Variants in RBFOX1 observed in about 807,000 individuals in gnomAD.
The protein encoded by RBFOX1 is RNA binding protein fox-1 homolog 1.
RBFOX1 carries 8 observed loss-of-function variants against 57.7 expected under a neutral mutation model. That is an observed-to-expected ratio of 0.14 (90% CI 0.08 to 0.25). The LOEUF is 0.25. Among genes scored for constraint, RBFOX1 ranks in the 10% least tolerant of loss-of-function variants. RBFOX1 has a pLI of 1.00. For synonymous variants in RBFOX1, 326 were observed against 222.4 expected (o/e 1.47, Z -4.15); for missense variants, 611 against 548.5 (o/e 1.11, Z -1.14).
At position 6,098,117 on chromosome 16, in the gene RBFOX1, T is replaced by G. The variant is rs554338404; in HGVS notation, c.-127+78125T>G. Among the ~76,000 whole-genome samples the G allele has an allele frequency of 5.9e-5, 9 of 152,324 alleles. No individual in the cohort carries two copies. In the South Asian group the frequency reaches 1.9e-3, roughly 32 times the overall value. On this transcript the variant is annotated intron_variant, in intron 1 of 15. Transcript: ENST00000550418. ...GGAGAAGGGGTCGGTCACCATTTACTTTGTGCCTCTTGCTACCCTTCGTTG... is the reference window on the plus strand; with the variant it reads ...GGAGAAGGGGTCGGTCACCATTTACGTTGTGCCTCTTGCTACCCTTCGTTG...
At chr16:5,861,062 G>A (rs1036574445) in intron 3 of RBFOX1, among the ~76,000 whole-genome samples, 2 of 152,214 alleles carry the variant, frequency 1.3e-5, no homozygotes, top group African/African-American at 4.8e-5. Flanking sequence ...CAGCTGCAAG[G>A]TGAACAATCT....
intron 2 of RBFOX1, among the ~76,000 whole-genome samples, chr16:6,486,817 G>A (rs2095493469): frequency 6.6e-6 from 1 of 151,928 alleles, no homozygotes; most frequent in Non-Finnish European, 1.5e-5. Context: ...TGTGTATTAT[G>A]AGCAGTAGTC....
intron 1 of RBFOX1, among the ~76,000 whole-genome samples, chr16:6,089,076 A>ATAT (rs1491350106): frequency 1.9e-3 from 233 of 125,700 alleles, no homozygotes; most frequent in African/African-American, 6.0e-3. Flanking sequence ...AAAAAAAAAA[A>ATAT]AAATATATAT....
At chr16:7,017,876 G>A (rs1222535348) in intron 3 of RBFOX1, among the ~76,000 whole-genome samples, 1 of 152,066 alleles carries the variant, frequency 6.6e-6, no homozygotes, top group Admixed American at 6.6e-5. Context: ...TGGAGTCTTC[G>A]AGGCTTAGCA....
chr16:7,517,985 C>T (rs974001812), intron 4 of RBFOX1, among the ~76,000 whole-genome samples, 162 bp from the exon 5 acceptor site: 1 of 152,050 alleles, frequency 6.6e-6, no homozygotes, highest in South Asian at 2.1e-4. Flanking sequence ...CTTATAGGGT[C>T]TGGTGAAGAT....
chr16:5,680,546 A>C (rs1002708528), intron 3 of RBFOX1, among the ~76,000 whole-genome samples: 5 of 152,306 alleles, frequency 3.3e-5, no homozygotes, highest in Non-Finnish European at 4.4e-5. Flanking sequence ...TACATGTCAC[A>C]TGGGAGTCTC....
chr16:6,666,966 G>A (rs1295966173), intron 3 of RBFOX1, among the ~76,000 whole-genome samples: 1 of 152,090 alleles, frequency 6.6e-6, no homozygotes, highest in Non-Finnish European at 1.5e-5. Context: ...ATTTTTGTAG[G>A]CAAGGGCTTC....
intron 3 of RBFOX1, among the ~76,000 whole-genome samples, chr16:5,801,941 G>A (rs1046307793): frequency 2.6e-5 from 4 of 152,232 alleles, no homozygotes; most frequent in South Asian, 2.1e-4. Flanking sequence ...CCTCTCCCCC[G>A]GAGGGTTGGA....
intron 2 of RBFOX1, among the ~76,000 whole-genome samples, chr16:5,573,082 G>A (rs937412076): frequency 6.6e-6 from 1 of 152,200 alleles, no homozygotes; most frequent in South Asian, 2.1e-4. Flanking sequence ...TAATGATGGT[G>A]CCCTGGATCG....
intron 1 of RBFOX1, among the ~76,000 whole-genome samples, chr16:6,089,411 C>A (rs2096138074): frequency 6.6e-6 from 1 of 152,120 alleles, no homozygotes; most frequent in Non-Finnish European, 1.5e-5. Context: ...AGAAATATCC[C>A]ATCATTTAGG....
chr16:6,902,529 C>T (rs1359874185), intron 3 of RBFOX1, among the ~76,000 whole-genome samples: 1 of 152,100 alleles, frequency 6.6e-6, no homozygotes, highest in Non-Finnish European at 1.5e-5. Context: ...CAAGACCAGC[C>T]TAACCAACAT....
chr16:7,279,101 T>G (rs1285746295), intron 4 of RBFOX1, among the ~76,000 whole-genome samples: 1 of 151,666 alleles, frequency 6.6e-6, no homozygotes, highest in Non-Finnish European at 1.5e-5. Flanking sequence ...TTTTTTTTTT[T>G]AATGTACATT....
chr16:6,128,387 C>T (rs1430800016), intron 1 of RBFOX1, among the ~76,000 whole-genome samples: 1 of 152,200 alleles, frequency 6.6e-6, no homozygotes, highest in Admixed American at 6.5e-5. Flanking sequence ...GGTTGGTCCT[C>T]AGACTGAAAG....
chr16:7,387,987 G>A (rs954774492), intron 4 of RBFOX1, among the ~76,000 whole-genome samples: 3 of 151,818 alleles, frequency 2.0e-5, no homozygotes, highest in African/African-American at 7.3e-5. Context: ...CAGCTATTGT[G>A]GGGGGAAAAA....
At chr16:6,323,335 G>C (rs1049588257) in intron 2 of RBFOX1, among the ~76,000 whole-genome samples, 5 of 152,106 alleles carry the variant, frequency 3.3e-5, no homozygotes, top group Non-Finnish European at 7.4e-5. Flanking sequence ...ATCTGCCATG[G>C]TGCTTATGAT....
intron 1 of RBFOX1, chr16:5,366,338 T>C (rs745526868): frequency 2.7e-6 from 1 of 365,780 alleles, no homozygotes; most frequent in Admixed American, 3.5e-5. Flanking sequence ...ATTTTGATGA[T>C]GATGATGATT....
chr16:6,118,243 C>G (rs1018288968), intron 1 of RBFOX1, among the ~76,000 whole-genome samples: 1 of 152,176 alleles, frequency 6.6e-6, no homozygotes, highest in Admixed American at 6.5e-5. Flanking sequence ...TTCCAGGATC[C>G]AATCCATTAT....
chr16:6,709,801 G>A (rs1430924715), intron 3 of RBFOX1, among the ~76,000 whole-genome samples: 3 of 152,090 alleles, frequency 2.0e-5, no homozygotes, highest in African/African-American at 7.2e-5. Context: ...CAAGTATCTT[G>A]GAGGCAGAGA....
At chr16:7,167,201 G>A (rs1418099120) in intron 4 of RBFOX1, among the ~76,000 whole-genome samples, 1 of 151,400 alleles carries the variant, frequency 6.6e-6, no homozygotes, top group African/African-American at 2.4e-5. Context: ...GGCCAGGCTG[G>A]TCTCAAACTC....
Sources: allele counts gnomAD v4.1 joint callset (sites outside exome capture counted in the v4.1 genomes callset), GRCh38; gene constraint gnomAD v4.1.1; transcripts MANE v1.5; gene names NCBI Gene and HGNC (gene_info 2026-07-23, HGNC 2026-07-21).